Variants in CCDC91 observed in about 807,000 individuals in gnomAD.
CCDC91 encodes coiled-coil domain containing 91.
CCDC91 carries 48 observed loss-of-function variants against 63.2 expected under a neutral mutation model. The observed-to-expected ratio is 0.76, with a 90% CI of 0.60 to 0.97. CCDC91 has a LOEUF of 0.97. Among genes scored for constraint, CCDC91 ranks in the 50% least tolerant of loss-of-function variants. CCDC91 has a pLI of 0.00. For synonymous variants in CCDC91, 167 were observed against 165.8 expected (o/e 1.01, Z -0.06); for missense variants, 500 against 494.6 (o/e 1.01, Z -0.10).
intron 1 of CCDC91, among the ~76,000 whole-genome samples, chr12:28,193,977 G>C (rs1329076863): frequency 6.6e-6 from 1 of 152,170 alleles, no homozygotes; most frequent in African/African-American, 2.4e-5. Flanking sequence ...CATTTCCTTC[G>C]AGTCTGAGTC....
At chr12:28,437,560 A>G (rs531457905) in intron 8 of CCDC91, among the ~76,000 whole-genome samples, 28 of 152,214 alleles carry the variant, frequency 1.8e-4, no homozygotes, top group African/African-American at 6.3e-4. Context: ...AGATTCTTCA[A>G]TTATGTTATT....
chr12:28,387,232 G>A (rs1010979286), intron 7 of CCDC91, among the ~76,000 whole-genome samples: 57 of 152,146 alleles, frequency 3.7e-4, no homozygotes, highest in African/African-American at 1.3e-3. Context: ...TGCTTGGACT[G>A]TGGCACTAGT....
At chr12:28,478,812 A>G (rs1451726743) in intron 11 of CCDC91, among the ~76,000 whole-genome samples, 3 of 152,224 alleles carry the variant, frequency 2.0e-5, no homozygotes, top group Non-Finnish European at 2.9e-5. Flanking sequence ...GTATATGAAG[A>G]GACAGTTCTC....
Position 28,202,098 on chromosome 12 carries a change from G to T in CCDC91, c.-15+11457G>T, listed in dbSNP as rs116568125. On this transcript the variant is annotated intron_variant, in intron 1 of 12. Transcript: ENST00000536442. ...TATACTTTTTAATTCCACAATGTTT[G>T]TTTCTTTATTTTGTAATCTCTATCT... 6.6e-3 allele frequency among the ~76,000 whole-genome samples: 992 copies of T among 151,406 alleles called. 14 individuals are homozygous for T. Among genetic ancestry groups the T allele is most frequent in the African/African-American group, 0.023 (968 of 41,252 alleles).
intron 7 of CCDC91, among the ~76,000 whole-genome samples, chr12:28,366,549 TG>T (rs971244099): frequency 1.3e-5 from 2 of 152,318 alleles, no homozygotes; most frequent in African/African-American, 4.8e-5. Flanking sequence ...ATCTCCTCAC[TG>T]GGGTGGTGTT....
At position 28,265,852 on chromosome 12, in the gene CCDC91, C is replaced by A. The variant is rs550974965; in HGVS notation, c.109+6410C>A. 1.0e-3 allele frequency among the ~76,000 whole-genome samples: 156 copies of A among 152,074 alleles called. 1 individual carries two copies. The highest frequency in any genetic ancestry group is 3.4e-3 in the African/African-American group (141 of 41,524). ...AGTCACATATGTGCATTATGGTAGG[C>A]AGTATAGGTAATGCTTAAAAACTTT... On this transcript the variant is annotated intron_variant, in intron 3 of 12. Transcript: ENST00000536442.
At chr12:28,216,271 C>T (rs1362693118) in intron 1 of CCDC91, among the ~76,000 whole-genome samples, 1 of 151,960 alleles carries the variant, frequency 6.6e-6, no homozygotes, top group Admixed American at 6.6e-5. Context: ...CACTAGAATC[C>T]TTTCTCTGTG....
At chr12:28,381,052 T>C (rs1178578397) in intron 7 of CCDC91, among the ~76,000 whole-genome samples, 1 of 152,098 alleles carries the variant, frequency 6.6e-6, no homozygotes, top group Non-Finnish European at 1.5e-5. Context: ...CAAAAAACTA[T>C]TTGTAAAGAT....
At chr12:28,356,278 A>G (rs975610592) in intron 6 of CCDC91, among the ~76,000 whole-genome samples, 1 of 152,164 alleles carries the variant, frequency 6.6e-6, no homozygotes, top group African/African-American at 2.4e-5. Context: ...AACCAGGCTT[A>G]TTGCAGCTGT....
At chr12:28,385,992 T>C (rs561335890) in intron 7 of CCDC91, among the ~76,000 whole-genome samples, 5 of 152,220 alleles carry the variant, frequency 3.3e-5, no homozygotes, top group Admixed American at 3.3e-4. Context: ...GTTTATAATA[T>C]ACTTTTCCTT....
chr12:28,334,731 G>T (rs890193046), intron 6 of CCDC91, among the ~76,000 whole-genome samples: 2 of 152,066 alleles, frequency 1.3e-5, no homozygotes, highest in Non-Finnish European at 2.9e-5. Context: ...ATCCAATGGG[G>T]CAGTATCATA....
intron 12 of CCDC91, among the ~76,000 whole-genome samples, chr12:28,526,385 A>C (rs573526862): frequency 6.6e-6 from 1 of 152,212 alleles, no homozygotes; most frequent in East Asian, 1.9e-4. Context: ...CTGGGTACAA[A>C]ATTCTTGGCT....
chr12:28,430,361 G>A (rs1303600515), intron 8 of CCDC91, among the ~76,000 whole-genome samples: 1 of 151,932 alleles, frequency 6.6e-6, no homozygotes, highest in Non-Finnish European at 1.5e-5. Flanking sequence ...ATAATTCTTA[G>A]CACATTCTTG....
At chr12:28,252,062 A>T (rs1377262795) in intron 1 of CCDC91, among the ~76,000 whole-genome samples, 10 of 152,152 alleles carry the variant, frequency 6.6e-5, no homozygotes, top group Admixed American at 6.5e-4. Flanking sequence ...TGAATATAGA[A>T]TTCCATGCTG....
chr12:28,211,542 A>G (rs902068032), intron 1 of CCDC91, among the ~76,000 whole-genome samples: 1 of 152,100 alleles, frequency 6.6e-6, no homozygotes, highest in Non-Finnish European at 1.5e-5. Flanking sequence ...TTAATTTGGG[A>G]AACTTCATTT....
chr12:28,402,802 AAG>A (rs1946720025), intron 8 of CCDC91, among the ~76,000 whole-genome samples: 1 of 152,058 alleles, frequency 6.6e-6, no homozygotes, highest in Non-Finnish European at 1.5e-5. Context: ...ATTCTTTATC[AAG>A]TTGAGGAAGT....
chr12:28,478,076 A>G (rs1951217349), intron 11 of CCDC91, among the ~76,000 whole-genome samples: 1 of 152,198 alleles, frequency 6.6e-6, no homozygotes, highest in Non-Finnish European at 1.5e-5. Flanking sequence ...CCATCAAGCT[A>G]TCAATGACTT....
intron 12 of CCDC91, among the ~76,000 whole-genome samples, chr12:28,530,519 T>TA (rs2141608157): frequency 6.6e-6 from 1 of 152,308 alleles, no homozygotes; most frequent in South Asian, 2.1e-4. Flanking sequence ...TAATTAGTAA[T>TA]TATTTTATAC....
Position 28,549,305 on chromosome 12 carries a change from C to G in CCDC91, c.*132C>G, listed in dbSNP as rs1943192289. Reference sequence around the variant, plus strand: ...AATTGATTTCCAGTTCAAGGATAAACCAAAACAATATTTAGAACTATCAAG... The same window carrying G: ...AATTGATTTCCAGTTCAAGGATAAAGCAAAACAATATTTAGAACTATCAAG... On this transcript the variant is annotated 3_prime_UTR_variant, in exon 13 of 13. Transcript: ENST00000536442. 1.4e-5 allele frequency: 8 copies of G among 562,100 alleles called. No individual in the cohort carries two copies. In the Admixed American group the frequency reaches 2.6e-4, roughly 18 times the overall value. 34.8% of individuals were successfully genotyped at this position (562,100 alleles called of 1,614,324 possible). A position where few individuals can be genotyped will look rare whatever the true frequency, so the allele number is the denominator to read the frequency against.
Sources: allele counts gnomAD v4.1 joint callset (sites outside exome capture counted in the v4.1 genomes callset), GRCh38; gene constraint gnomAD v4.1.1; transcripts MANE v1.5; gene names NCBI Gene and HGNC (gene_info 2026-07-23, HGNC 2026-07-21).